ADAM7: variants seen among roughly 807,000 people sequenced by gnomAD.
ADAM7 encodes disintegrin and metalloproteinase domain-containing protein 7.
A neutral mutation model predicts 102.9 loss-of-function variants in ADAM7; 97 were observed. The observed-to-expected ratio is 0.94, with a 90% CI of 0.80 to 1.12. ADAM7 has a LOEUF of 1.12. ADAM7 is among the 50% of genes most tolerant of loss of function. ADAM7 has a pLI of 0.00. For synonymous variants in ADAM7, 334 were observed against 304.4 expected, an observed-to-expected ratio of 1.10 and a Z score of -1.01; for missense variants, 991 against 908.7, an observed-to-expected ratio of 1.09 and a Z score of -1.16.
intron 21 of ADAM7, 80 bp downstream of exon 21, chr8:24,507,615 T>A: frequency 8.1e-7 from 1 of 1,228,024 alleles, no homozygotes; most frequent in Non-Finnish European, 1.2e-6. Context: ...ACCAACTCAT[T>A]GATTTACTGG....
At chr8:24,485,386 C>T (rs777410073) in intron 10 of ADAM7, 25 bp downstream of exon 10, 5 of 1,587,404 alleles carry the variant, frequency 3.1e-6, no homozygotes, top group Non-Finnish European at 4.3e-6. Flanking sequence ...ATTTATATTA[C>T]TTAATAATGT....
intron 16 of ADAM7, among the ~76,000 whole-genome samples, 167 bp from the exon 17 acceptor site, chr8:24,499,069 A>G (rs1336078691): frequency 6.6e-6 from 1 of 152,116 alleles, no homozygotes; most frequent in Non-Finnish European, 1.5e-5. Context: ...TACATGTGGA[A>G]TTTTACAGTA....
chr8:24,461,239 G>A (rs564001338), intron 3 of ADAM7, among the ~76,000 whole-genome samples: 3 of 152,056 alleles, frequency 2.0e-5, no homozygotes, highest in Admixed American at 2.0e-4. Flanking sequence ...TGATCCACCC[G>A]CCTCAGCCTC....
intron 3 of ADAM7, among the ~76,000 whole-genome samples, chr8:24,450,602 A>G (rs1201427095): frequency 1.3e-5 from 2 of 152,100 alleles, no homozygotes; most frequent in African/African-American, 4.8e-5. Flanking sequence ...GCAAACAGGG[A>G]CAATTTGACT....
chr8:24,504,044 AAAATAAAATAAAAT>A (rs1820859855), intron 20 of ADAM7, among the ~76,000 whole-genome samples: 2 of 148,606 alleles, frequency 1.3e-5, no homozygotes, highest in Non-Finnish European at 3.0e-5. Flanking sequence ...AAAATAAAAT[AAAATAAAATAAAAT>A]AAAATAAATA....
Position 24,460,650 on chromosome 8 carries a change from A to G in ADAM7, c.234-3232A>G, listed in dbSNP as rs116832098. On this transcript the variant is annotated intron_variant, in intron 3 of 21. Transcript: ENST00000175238. Reference sequence around the variant, plus strand: ...GTCATGTCATTTTATGTGAAATGTAAAAACATTGCAATAAGTTCATTTACA... The same window carrying G: ...GTCATGTCATTTTATGTGAAATGTAGAAACATTGCAATAAGTTCATTTACA... Among the ~76,000 whole-genome samples, 759 of 139,198 alleles carry G rather than the reference A, an allele frequency of 5.5e-3. 4 individuals are homozygous for G. Among genetic ancestry groups the G allele is most frequent in the African/African-American group, 0.018 (663 of 36,778 alleles). 91.3% of individuals were successfully genotyped at this position (139,198 alleles called of 152,430 possible). A position where few individuals can be genotyped will look rare whatever the true frequency, so the allele number is the denominator to read the frequency against.
chr8:24,474,602 C>A (rs1052504641), intron 7 of ADAM7, among the ~76,000 whole-genome samples: 17 of 152,064 alleles, frequency 1.1e-4, no homozygotes, highest in Non-Finnish European at 2.4e-4. Flanking sequence ...ATAAAAAAAG[C>A]AGCAGAGGTC....
chr8:24,459,759 C>G (rs1819172849), intron 3 of ADAM7, among the ~76,000 whole-genome samples: 1 of 152,150 alleles, frequency 6.6e-6, no homozygotes, highest in African/African-American at 2.4e-5. Context: ...CATACCTGAC[C>G]TGATTTTTCT....
intron 10 of ADAM7, among the ~76,000 whole-genome samples, chr8:24,486,882 G>C (rs997573464): frequency 2.6e-5 from 4 of 152,110 alleles, no homozygotes; most frequent in African/African-American, 9.7e-5. Flanking sequence ...AATAACATTA[G>C]TTCATAGTTT....
chr8:24,468,917 T>C, intron 7 of ADAM7, 97 bp downstream of exon 7: 1 of 1,155,170 alleles, frequency 8.7e-7, no homozygotes, highest in Non-Finnish European at 1.2e-6. Context: ...ATCAGAGTTC[T>C]ATTCTAGGCT....
intron 3 of ADAM7, among the ~76,000 whole-genome samples, chr8:24,459,257 A>C (rs1819152923): frequency 1.3e-5 from 2 of 151,982 alleles, no homozygotes; most frequent in African/African-American, 4.8e-5. Context: ...TTTCAAAAAA[A>C]AATGTCTATT....
At position 24,500,221 on chromosome 8, in the gene ADAM7, C is replaced by T. The variant is rs781782383; in HGVS notation, c.1967C>T (p.Ala656Val). 6.2e-7 allele frequency: 1 copy of T among 1,611,920 alleles called. No homozygotes were observed. The change falls in exon 18 of 22, where the codon GCA (alanine) becomes GTA (valine). Residue 656 changes from alanine (A) to valine (V), a missense_variant. Transcript: ENST00000175238. ...CAGTGCCACTGTGAGGAAGGACAGG[C>T]ACCTGTAGCCTGTGAAGAAACCTTA... Reference protein sequence around the residue: ...GLQCHCEEGQAPVACEETLHV... With the variant: ...GLQCHCEEGQVPVACEETLHV...
Position 24,482,129 on chromosome 8 carries a change from C to A in ADAM7, c.706-13C>A, listed in dbSNP as rs765209429. The A allele has an allele frequency of 1.2e-5, 18 of 1,550,416 alleles. No individual in the cohort carries two copies. The Admixed American group carries it at 4.0e-4, about 34-fold the overall frequency. ...AACTTGACTTTGTGAAAAATGATTT[C>A]TTCTTTGAACAGATTTATAAAACCT... is the stretch of plus-strand genomic sequence containing the variant. On this transcript the variant is annotated splice_polypyrimidine_tract_variant and intron_variant, in intron 8 of 21. Transcript: ENST00000175238.
chr8:24,471,632 G>A (rs1014975492), intron 7 of ADAM7, among the ~76,000 whole-genome samples: 4 of 151,984 alleles, frequency 2.6e-5, no homozygotes, highest in Admixed American at 2.0e-4. Flanking sequence ...CTGTGTTGTA[G>A]GTTATAACAT....
Position 24,501,425 on chromosome 8 carries a change from C to A in ADAM7, c.2109-52C>A. ...AGCTTACTCATGAAGAAATAAATAA[C>A]CTGAATAGCCCTATATCTAATAAAT... On this transcript the variant is annotated intron_variant, in intron 19 of 21. Transcript: ENST00000175238. The A allele has an allele frequency of 2.3e-6, 3 of 1,318,752 alleles. No homozygotes were observed. The South Asian group carries it at 4.1e-5, about 18-fold the overall frequency. 81.7% of individuals were successfully genotyped at this position (1,318,752 alleles called of 1,614,324 possible). A position where few individuals can be genotyped will look rare whatever the true frequency, so the allele number is the denominator to read the frequency against.
At chr8:24,455,199 C>T (rs1646323043) in intron 3 of ADAM7, among the ~76,000 whole-genome samples, 1 of 152,136 alleles carries the variant, frequency 6.6e-6, no homozygotes, top group Non-Finnish European at 1.5e-5. Flanking sequence ...TACCCGCTAA[C>T]ATATACATAT....
In ADAM7 at chr8:24,508,642, A is replaced by ATT; in HGVS notation, c.*100_*101dup. 6.3e-7 allele frequency: 1 copy of ATT among 1,592,530 alleles called. No individual in the cohort carries two copies. The highest frequency in any genetic ancestry group is 1.3e-5 in the African/African-American group (1 of 74,380). On this transcript the variant is annotated 3_prime_UTR_variant, in exon 22 of 22. Transcript: ENST00000175238. Reference sequence around the variant, plus strand: ...CCTTACCTAGATATCTGCTACTCACATTTTTGGTAGTGTTTCAAACGTTCT... The same window carrying ATT: ...CCTTACCTAGATATCTGCTACTCACATTTTTTTGGTAGTGTTTCAAACGTTCT...
At chr8:24,477,074 TA>T (rs1439179672) in intron 8 of ADAM7, among the ~76,000 whole-genome samples, 2 of 152,232 alleles carry the variant, frequency 1.3e-5, no homozygotes, top group African/African-American at 4.8e-5. Context: ...AAGGCCCCTC[TA>T]GGCCAATGGT....
At chr8:24,476,336 T>G in intron 7 of ADAM7, 97 bp from the exon 8 acceptor site, 1 of 846,164 alleles carries the variant, frequency 1.2e-6, no homozygotes, top group Non-Finnish European at 1.7e-6. Flanking sequence ...AGGCCAATGA[T>G]TTTTTTCTTT....
Sources: gnomAD v4.1 joint callset for allele counts (sites outside exome capture counted in the v4.1 genomes callset) on GRCh38, gnomAD v4.1.1 for gene constraint, MANE v1.5 for transcripts, NCBI Gene and HGNC (gene_info 2026-07-23, HGNC 2026-07-21) for gene names.